The following RAPGEF6 variants were observed in gnomAD, a reference collection of about 807,000 sequenced individuals.
The protein encoded by RAPGEF6 is Rap guanine nucleotide exchange factor 6.
In RAPGEF6, 56 loss-of-function variants were observed where a neutral mutation model predicts 171.4. The ratio of observed to expected loss-of-function variants is 0.33; its 90% confidence interval spans 0.26 to 0.41. The LOEUF (loss-of-function observed/expected upper bound fraction) is 0.41, where lower values mean the gene tolerates loss of function less well. RAPGEF6 is among the 10% of genes least tolerant of loss of function. The pLI is 1.00. For synonymous variants in RAPGEF6, 692 were observed against 650.1 expected (o/e 1.06, Z -0.98); for missense variants, 1,674 against 1,921.4 (o/e 0.87, Z 2.41).
rs543169989 is a variant in RAPGEF6, at chr5:131,506,477, C to T, written c.943-955G>A. Among the ~76,000 whole-genome samples, 35 of 152,290 alleles carry T rather than the reference C, an allele frequency of 2.3e-4. No homozygotes were observed. In the South Asian group the frequency reaches 6.6e-3, roughly 29 times the overall value. On this transcript the variant is annotated intron_variant, in intron 9 of 27. Transcript: ENST00000509018. ...TCTACTATATATCAGTGAAAGACCA[C>T]TTATTCTCCTTTAATATCAAACCCT...
chr5:131,437,926 C>T (rs181065129), intron 24 of RAPGEF6, among the ~76,000 whole-genome samples: 1 of 152,142 alleles, frequency 6.6e-6, no homozygotes, highest in Admixed American at 6.5e-5. Flanking sequence ...AATAGATGGT[C>T]TTTTTCTTTT....
At chr5:131,565,539 T>C (rs1195295019) in intron 4 of RAPGEF6, among the ~76,000 whole-genome samples, 1 of 152,110 alleles carries the variant, frequency 6.6e-6, no homozygotes, top group Non-Finnish European at 1.5e-5. Flanking sequence ...CTAAAATAGC[T>C]AAAACAACTT....
chr5:131,433,305 AC>A (rs1207354956), intron 25 of RAPGEF6, 124 bp downstream of exon 25: 1 of 733,090 alleles, frequency 1.4e-6, no homozygotes, highest in African/African-American at 1.7e-5. Context: ...TGCTTGGCCC[AC>A]ATATTCTTTT....
intron 21 of RAPGEF6, among the ~76,000 whole-genome samples, chr5:131,448,994 T>G (rs945689732): frequency 6.6e-5 from 10 of 152,044 alleles, no homozygotes; most frequent in Non-Finnish European, 7.4e-5. Context: ...CACCAAGCAT[T>G]AACAGAAAAT....
intron 1 of RAPGEF6, among the ~76,000 whole-genome samples, chr5:131,605,820 G>A (rs1764524767): frequency 6.6e-6 from 1 of 151,804 alleles, no homozygotes; most frequent in African/African-American, 2.4e-5. Context: ...CATGAGGTCA[G>A]GAGATCAAGA....
chr5:131,564,842 A>G (rs1356840914), intron 4 of RAPGEF6, among the ~76,000 whole-genome samples: 1 of 152,208 alleles, frequency 6.6e-6, no homozygotes. Flanking sequence ...ATCAAATCAC[A>G]TATGCAGACA....
intron 1 of RAPGEF6, among the ~76,000 whole-genome samples, chr5:131,610,331 A>T (rs1764862129): frequency 6.6e-6 from 1 of 152,220 alleles, no homozygotes; most frequent in Non-Finnish European, 1.5e-5. Context: ...TCAGTGAACA[A>T]GTTTACAGCT....
intron 4 of RAPGEF6, among the ~76,000 whole-genome samples, chr5:131,589,602 C>T (rs1763470886): frequency 3.3e-5 from 5 of 152,232 alleles, no homozygotes; most frequent in Admixed American, 3.3e-4. Context: ...CCTCTCCAAA[C>T]ATACTGGCTC....
At position 131,606,051 on chromosome 5, in the gene RAPGEF6, AAAG is replaced by A. The variant is rs1217158261; in HGVS notation, c.70-1361_70-1359del. On this transcript the variant is annotated intron_variant, in intron 1 of 27. Transcript: ENST00000509018. ...TCTCAAAAAAAAAAAAAAAAAAAAAAAAGAAAAAGAAAAGAAAAGAAAAGCATC... is the reference window on the plus strand; with the variant it reads ...TCTCAAAAAAAAAAAAAAAAAAAAAAAAAAAGAAAAGAAAAGAAAAGCATC... Among the ~76,000 whole-genome samples, 94 of 135,478 alleles carry A rather than the reference AAAG, an allele frequency of 6.9e-4. 1 individual carries two copies. Among genetic ancestry groups the A allele is most frequent in the African/African-American group, 3.1e-3 (92 of 29,838 alleles). The allele number at this position is 135,478 out of a possible 152,430, so 88.9% of individuals were successfully genotyped here. A position where few individuals can be genotyped will look rare whatever the true frequency, so the allele number is the denominator to read the frequency against.
chr5:131,491,506 G>A (rs1431429634), intron 14 of RAPGEF6, among the ~76,000 whole-genome samples: 1 of 152,208 alleles, frequency 6.6e-6, no homozygotes, highest in Non-Finnish European at 1.5e-5. Flanking sequence ...ACCCTTTGAA[G>A]TACATGAGAA....
At chr5:131,500,565 G>A (rs985821598) in intron 11 of RAPGEF6, among the ~76,000 whole-genome samples, 1 of 151,998 alleles carries the variant, frequency 6.6e-6, no homozygotes, top group African/African-American at 2.4e-5. Flanking sequence ...ACCTCAAAAT[G>A]CCCTTGATCC....
chr5:131,519,548 T>G (rs1758334260), intron 7 of RAPGEF6, among the ~76,000 whole-genome samples: 1 of 152,150 alleles, frequency 6.6e-6, no homozygotes, highest in Non-Finnish European at 1.5e-5. Flanking sequence ...ATTACAGATG[T>G]GTGCCACCAC....
At chr5:131,471,664 T>C (rs1754746843) in intron 17 of RAPGEF6, among the ~76,000 whole-genome samples, 1 of 152,150 alleles carries the variant, frequency 6.6e-6, no homozygotes, top group Non-Finnish European at 1.5e-5. Flanking sequence ...TTATTCAAAG[T>C]CGAAAGTTTT....
At chr5:131,550,890 C>G (rs1328001017) in intron 5 of RAPGEF6, among the ~76,000 whole-genome samples, 1 of 152,206 alleles carries the variant, frequency 6.6e-6, no homozygotes, top group Non-Finnish European at 1.5e-5. Context: ...AATCCCTCCT[C>G]TACTCCAGAA....
At chr5:131,513,610 G>A (rs1757882614) in intron 7 of RAPGEF6, among the ~76,000 whole-genome samples, 1 of 152,236 alleles carries the variant, frequency 6.6e-6, no homozygotes, top group Non-Finnish European at 1.5e-5. Flanking sequence ...TCTTTAGGAA[G>A]AATGGAAGTC....
intron 8 of RAPGEF6, among the ~76,000 whole-genome samples, chr5:131,508,455 C>T (rs551258979): frequency 6.6e-6 from 1 of 152,184 alleles, no homozygotes; most frequent in Admixed American, 6.5e-5. Flanking sequence ...CCAGAGAGAA[C>T]AAGGACCATA....
At chr5:131,532,544 T>C (rs1759464899) in intron 6 of RAPGEF6, among the ~76,000 whole-genome samples, 1 of 152,202 alleles carries the variant, frequency 6.6e-6, no homozygotes, top group African/African-American at 2.4e-5. Flanking sequence ...CTCTCTGTAA[T>C]ATAGCTTTGT....
chr5:131,569,892 A>G (rs1169980513), intron 4 of RAPGEF6, among the ~76,000 whole-genome samples: 1 of 151,994 alleles, frequency 6.6e-6, no homozygotes, highest in African/African-American at 2.4e-5. Flanking sequence ...AAATAGAAAA[A>G]TTAGCCAGGC....
chr5:131,461,107 G>A (rs943734545), intron 19 of RAPGEF6, among the ~76,000 whole-genome samples: 1 of 151,926 alleles, frequency 6.6e-6, no homozygotes, highest in African/African-American at 2.4e-5. Context: ...GAAGGGAGTG[G>A]GAGAGCTCAC....
Sources: allele counts gnomAD v4.1 joint callset (sites outside exome capture counted in the v4.1 genomes callset), GRCh38; gene constraint gnomAD v4.1.1; transcripts MANE v1.5; gene names NCBI Gene and HGNC (gene_info 2026-07-23, HGNC 2026-07-21).